Variants in ARPC4 observed in about 807,000 individuals in gnomAD.
The protein encoded by ARPC4 is actin-related protein 2/3 complex subunit 4.
In ARPC4, 3 loss-of-function variants were observed where a neutral mutation model predicts 22.8. The ratio of observed to expected loss-of-function variants is 0.13; its 90% confidence interval spans 0.06 to 0.34. The LOEUF (loss-of-function observed/expected upper bound fraction) is 0.34, where lower values mean the gene tolerates loss of function less well. Ranked by LOEUF, ARPC4 falls within the 10% of genes least tolerant of loss-of-function variation. ARPC4 has a pLI of 1.00. For missense variants in ARPC4, 98 were observed against 211.0 expected, an observed-to-expected ratio of 0.46 and a Z score of 3.32; for synonymous variants, 80 against 72.5, an observed-to-expected ratio of 1.10 and a Z score of -0.52.
In ARPC4 at chr3:9,796,748, T is replaced by C. The variant is rs185440164; in HGVS notation, c.4-911T>C. Among the ~76,000 whole-genome samples, 472 of 152,192 alleles carry C rather than the reference T, an allele frequency of 3.1e-3. 5 individuals carry two copies. The highest frequency in any genetic ancestry group is 0.01 in the African/African-American group (435 of 41,526). On this transcript the variant is annotated intron_variant, in intron 1 of 5. Coordinates refer to ENST00000397261, the MANE Select transcript of ARPC4 (RefSeq NM_005718.5). ...CAAGGTCAGGAGATTGAGACCATCC[T>C]GGCTAACACCGTGAAACCCTGTCTC...
chr3:9,795,519 C>T (rs1296757214), intron 1 of ARPC4, among the ~76,000 whole-genome samples: 1 of 152,148 alleles, frequency 6.6e-6, no homozygotes, highest in East Asian at 1.9e-4. Context: ...TCAAGATTCC[C>T]CATGATCTTA....
intron 5 of ARPC4, among the ~76,000 whole-genome samples, chr3:9,804,367 T>C (rs1455236412): frequency 6.6e-6 from 1 of 152,202 alleles, no homozygotes; most frequent in Non-Finnish European, 1.5e-5. Context: ...TCTAGGAGTA[T>C]AGGACAATTA....
chr3:9,798,817 T>G (rs918593001), intron 2 of ARPC4, among the ~76,000 whole-genome samples: 1 of 152,186 alleles, frequency 6.6e-6, no homozygotes, highest in Non-Finnish European at 1.5e-5. Context: ...GAGGTTGCAG[T>G]GAGCCAAGAT....
intron 5 of ARPC4, 93 bp from the exon 6 acceptor site, chr3:9,806,117 A>T: frequency 7.1e-7 from 1 of 1,409,176 alleles, no homozygotes. Context: ...ATATGAGCAC[A>T]GTGGCAGCTC....
intron 3 of ARPC4, among the ~76,000 whole-genome samples, chr3:9,800,995 G>A (rs1379945585): frequency 6.6e-6 from 1 of 151,948 alleles, no homozygotes; most frequent in African/African-American, 2.4e-5. Flanking sequence ...TGGATCACTT[G>A]ATGTCAGGAG....
At chr3:9,804,256 G>A (rs2079066437) in intron 5 of ARPC4, 1 of 412,616 alleles carries the variant, frequency 2.4e-6, no homozygotes, top group African/African-American at 2.0e-5. Flanking sequence ...TCTCTCGTAG[G>A]AACTTGGTCA....
intron 3 of ARPC4, among the ~76,000 whole-genome samples, chr3:9,800,795 G>C (rs2078991658): frequency 6.6e-6 from 1 of 152,142 alleles, no homozygotes; most frequent in Non-Finnish European, 1.5e-5. Flanking sequence ...ACTACACACT[G>C]TTTTCTACAG....
At chr3:9,797,044 A>G (rs1001857179) in intron 1 of ARPC4, among the ~76,000 whole-genome samples, 1 of 151,550 alleles carries the variant, frequency 6.6e-6, no homozygotes, top group Non-Finnish European at 1.5e-5. Flanking sequence ...TTACTTGTAA[A>G]TCTAAATATT....
At chr3:9,801,976 C>T (rs943698784) in intron 4 of ARPC4, among the ~76,000 whole-genome samples, 1 of 152,108 alleles carries the variant, frequency 6.6e-6, no homozygotes, top group African/African-American at 2.4e-5. Flanking sequence ...CGTGGTGGCT[C>T]ATGCCTCTAA....
intron 4 of ARPC4, chr3:9,803,559 G>A (rs1431254792): frequency 1.7e-6 from 1 of 574,968 alleles, no homozygotes; most frequent in Non-Finnish European, 3.3e-6. Context: ...AAGACTTCAA[G>A]TTCCTTGACT....
intron 2 of ARPC4, among the ~76,000 whole-genome samples, chr3:9,798,744 T>C (rs1443033901): frequency 6.6e-6 from 1 of 151,606 alleles, no homozygotes; most frequent in African/African-American, 2.4e-5. Flanking sequence ...CATGGTGGTA[T>C]GCACCTGTAG....
At chr3:9,793,207 C>T (rs529028784) in intron 1 of ARPC4, 83 bp downstream of exon 1, 2 of 1,494,018 alleles carry the variant, frequency 1.3e-6, no homozygotes, top group African/African-American at 1.4e-5. Context: ...GGCTTTGCCG[C>T]AGGGGCGCGG....
At chr3:9,793,363 G>A (rs1401299067) in intron 1 of ARPC4, among the ~76,000 whole-genome samples, 1 of 152,248 alleles carries the variant, frequency 6.6e-6, no homozygotes, top group African/African-American at 2.4e-5. Flanking sequence ...TTCGAAGCAG[G>A]TAGGGGCTTT....
At chr3:9,798,272 A>T (rs554140807) in intron 2 of ARPC4, among the ~76,000 whole-genome samples, 2 of 152,126 alleles carry the variant, frequency 1.3e-5, no homozygotes, top group East Asian at 3.9e-4. Context: ...TTTCATAAAT[A>T]TCTTTTTCCC....
intron 3 of ARPC4, 136 bp from the exon 4 acceptor site, chr3:9,801,525 C>G (rs1425955232): frequency 1.3e-6 from 1 of 779,012 alleles, no homozygotes; most frequent in Admixed American, 2.9e-5. Context: ...TCCCCCACTT[C>G]AGTGATCCTT....
chr3:9,797,091 T>C (rs2078911343), intron 1 of ARPC4, among the ~76,000 whole-genome samples: 1 of 152,226 alleles, frequency 6.6e-6, no homozygotes, highest in East Asian at 1.9e-4. Flanking sequence ...ATTTTCTGTA[T>C]ATTTGCTATC....
Position 9,806,355 on chromosome 3 carries a change from G to A in ARPC4, c.*140G>A, listed in dbSNP as rs2079106984. The A allele has an allele frequency of 4.1e-6, 4 of 970,990 alleles. No homozygotes were observed. Among genetic ancestry groups the A allele is most frequent in the Non-Finnish European group, 6.6e-6 (4 of 603,142 alleles). 60.1% of individuals were successfully genotyped at this position (970,990 alleles called of 1,614,324 possible). A position where few individuals can be genotyped will look rare whatever the true frequency, so the allele number is the denominator to read the frequency against. ...GCATTTGATGCGGGAGGTGGGTGGT[G>A]TGCTTGCTAGCTGGGCAAGAAAGCA... On this transcript the variant is annotated 3_prime_UTR_variant, in exon 6 of 6. Transcript: ENST00000397261.
In ARPC4 at chr3:9,806,246, C is replaced by G. The variant is rs774360255; in HGVS notation, c.*31C>G. On this transcript the variant is annotated 3_prime_UTR_variant, in exon 6 of 6. Coordinates refer to ENST00000397261, the MANE Select transcript of ARPC4 (RefSeq NM_005718.5). ...CTGGCTGGATCTCGTGGCCTTCCCC[C>G]TCAGACTACCCATGTCTCCACGAAG... is the stretch of plus-strand genomic sequence containing the variant. 6.2e-7 allele frequency: 1 copy of G among 1,611,628 alleles called. No homozygotes were observed. Among genetic ancestry groups the G allele is most frequent in the South Asian group, 1.1e-5 (1 of 91,020 alleles).
chr3:9,800,313 G>C lies in ARPC4; in HGVS notation c.234+17G>C. Reference sequence around the variant, plus strand: ...GTGAAACAGGTAAGTTCACCATGGAGGAGGCCCAACGTAAGGCCTCTTTCA... The same window carrying C: ...GTGAAACAGGTAAGTTCACCATGGACGAGGCCCAACGTAAGGCCTCTTTCA... On this transcript the variant is annotated intron_variant, in intron 3 of 5. Coordinates refer to ENST00000397261, the MANE Select transcript of ARPC4 (RefSeq NM_005718.5). 2 of 1,613,364 alleles carry C rather than the reference G, an allele frequency of 1.2e-6. No homozygotes were observed. Among genetic ancestry groups the C allele is most frequent in the South Asian group, 1.1e-5 (1 of 91,036 alleles).
Sources: allele counts gnomAD v4.1 joint callset (sites outside exome capture counted in the v4.1 genomes callset), GRCh38; gene constraint gnomAD v4.1.1; transcripts MANE v1.5; gene names NCBI Gene and HGNC (gene_info 2026-07-23, HGNC 2026-07-21).